Variants in PCDHGB1 observed in about 807,000 individuals in gnomAD.
The protein encoded by PCDHGB1 is protocadherin gamma subfamily B, 1, also known as protocadherin gamma-B1.
A neutral mutation model predicts 56.6 loss-of-function variants in PCDHGB1; 34 were observed. The ratio of observed to expected loss-of-function variants is 0.60; its 90% confidence interval spans 0.46 to 0.80. The LOEUF (loss-of-function observed/expected upper bound fraction) is 0.80. Among genes scored for constraint, PCDHGB1 ranks in the 30% least tolerant of loss-of-function variants. The probability of loss-of-function intolerance (pLI) is 0.00; values close to 1 mark genes in which losing one functional copy is unlikely to be tolerated. For synonymous variants in PCDHGB1, 561 were observed against 505.9 expected (o/e 1.11, Z -1.46); for missense variants, 1,278 against 1,204.6 (o/e 1.06, Z -0.90).
chr5:141,384,784 G>T, intron 1 of PCDHGB1: 1 of 1,613,618 alleles, frequency 6.2e-7, no homozygotes, highest in Non-Finnish European at 8.5e-7. Flanking sequence ...GGTGCGCACG[G>T]CTCGGGCCCT....
chr5:141,361,816 C>G, intron 1 of PCDHGB1: 2 of 1,613,084 alleles, frequency 1.2e-6, no homozygotes, highest in Non-Finnish European at 1.7e-6. Context: ...CAATGCGCCA[C>G]GGGTGCTGTA....
chr5:141,417,760 C>A, intron 1 of PCDHGB1: 1 of 1,438,808 alleles, frequency 7.0e-7, no homozygotes, highest in South Asian at 1.5e-5. Context: ...GCTCCGAGAC[C>A]CGGGACTCCT....
In PCDHGB1 at chr5:141,477,794, C is replaced by A. The variant is rs148942362; in HGVS notation, c.2410-17013C>A. On this transcript the variant is annotated intron_variant, in intron 1 of 3. Coordinates refer to ENST00000523390, the MANE Select transcript of PCDHGB1 (RefSeq NM_018922.3). This position sits in a 1 kb window ranked among gnomAD's most constrained non-coding sequence, Gnocchi z 4.9. ...CAGCGTGAACATATTTGTCACTGAT[C>A]GCAATGACAATGCCCCCCAGGTCCT... The A allele has an allele frequency of 5.6e-6, 9 of 1,614,086 alleles. No individual in the cohort carries two copies. Among genetic ancestry groups the A allele is most frequent in the Non-Finnish European group, 7.6e-6 (9 of 1,180,030 alleles).
chr5:141,398,125 G>C (rs1353004584), intron 1 of PCDHGB1: 1 of 1,586,808 alleles, frequency 6.3e-7, no homozygotes. Flanking sequence ...GAGAGCAAGA[G>C]GGATGGGGAG....
chr5:141,496,888 T>TAAA (rs35063790), intron 2 of PCDHGB1, among the ~76,000 whole-genome samples: 5 of 134,118 alleles, frequency 3.7e-5, no homozygotes, highest in East Asian at 4.4e-4. Context: ...AAGTAACACT[T>TAAA]AAAAAAAAAA....
At chr5:141,423,107 T>G (rs1590430250) in intron 1 of PCDHGB1, 1 of 1,613,696 alleles carries the variant, frequency 6.2e-7, no homozygotes, top group East Asian at 2.2e-5. Flanking sequence ...ACGGGCGAGG[T>G]GCGTACAGCG....
intron 1 of PCDHGB1, chr5:141,372,627 G>A (rs2150009906): frequency 3.1e-6 from 5 of 1,613,974 alleles, no homozygotes; most frequent in Admixed American, 1.7e-5. Context: ...CACCTACAGC[G>A]AAAGGACTTT....
At position 141,431,098 on chromosome 5, in the gene PCDHGB1, A is replaced by G; in HGVS notation, c.2410-63709A>G. The G allele has an allele frequency of 6.2e-7, 1 of 1,614,260 alleles. No homozygotes were observed. The highest frequency in any genetic ancestry group is 8.5e-7 in the Non-Finnish European group (1 of 1,180,040). On this transcript the variant is annotated intron_variant, in intron 1 of 3. Transcript: ENST00000523390. This position sits in a 1 kb window ranked among gnomAD's most constrained non-coding sequence, Gnocchi z 4.8. ...ATCTAGACATTCTGATGGAGGATAA[A>G]GTGAAAATATATGGAGTAGAAGTAG...
intron 1 of PCDHGB1, among the ~76,000 whole-genome samples, chr5:141,444,152 ATTTTTTTTTTTTTTTTTTTTTT>A (rs747671382): frequency 8.9e-5 from 3 of 33,882 alleles, no homozygotes; most frequent in East Asian, 1.0e-3. Flanking sequence ...TGTGTACTGG[ATTTTTTTTTTTTTTTTTTTTTT>A]TTTTTTTTTT....
intron 1 of PCDHGB1, among the ~76,000 whole-genome samples, chr5:141,482,104 A>T (rs11748215): frequency 0.23 from 34,477 of 150,324 alleles, 4,798 homozygotes; most frequent in African/African-American, 0.39. Context: ...AAAAAAAAAA[A>T]ATATCTAGAG....
intron 1 of PCDHGB1, chr5:141,372,834 C>A (rs1343091313): frequency 3.9e-6 from 6 of 1,536,106 alleles, no homozygotes; most frequent in South Asian, 1.2e-5. Flanking sequence ...ACCTTTCCTT[C>A]CATAAATATA....
intron 2 of PCDHGB1, among the ~76,000 whole-genome samples, chr5:141,498,618 G>A (rs191513899): frequency 1.3e-5 from 2 of 152,220 alleles, no homozygotes; most frequent in East Asian, 3.9e-4. Context: ...TCAGCACTGG[G>A]TCACACTGCC....
Position 141,431,215 on chromosome 5 carries a change from C to T in PCDHGB1, c.2410-63592C>T, listed in dbSNP as rs1225114172. On this transcript the variant is annotated intron_variant, in intron 1 of 3. Transcript: ENST00000523390. The surrounding 1 kb of genome is among the most constrained non-coding windows in gnomAD (Gnocchi z 4.8). ...AAAATGCAGCCACTGAGATGCGGTT[C>T]CCTCTACCCCACGCCTGGGATCCGG... is the stretch of plus-strand genomic sequence containing the variant. 2.5e-6 allele frequency: 4 copies of T among 1,614,066 alleles called. No homozygotes were observed. The highest frequency in any genetic ancestry group is 1.3e-5 in the African/African-American group (1 of 74,942).
At chr5:141,409,388 T>C in intron 1 of PCDHGB1, 1 of 1,614,018 alleles carries the variant, frequency 6.2e-7, no homozygotes, top group Non-Finnish European at 8.5e-7. Flanking sequence ...CAAGATTTAT[T>C]CTTCTTCCAA....
rs756971733 is a variant in PCDHGB1 at position 141,375,686 on chromosome 5, A to G, written c.2409+23017A>G. On this transcript the variant is annotated intron_variant, in intron 1 of 3. Coordinates refer to ENST00000523390, the MANE Select transcript of PCDHGB1 (RefSeq NM_018922.3). Reference sequence around the variant, plus strand: ...AGACCTACAGCTGTGGGTGACAGCCAGCGACAGCGGGGACCCGCCTCTTAG... The same window carrying G: ...AGACCTACAGCTGTGGGTGACAGCCGGCGACAGCGGGGACCCGCCTCTTAG... 1.9e-6 allele frequency: 3 copies of G among 1,614,122 alleles called. No individual in the cohort carries two copies. Among genetic ancestry groups the G allele is most frequent in the East Asian group, 2.2e-5 (1 of 44,894 alleles).
At chr5:141,426,946 C>T (rs565370434) in intron 1 of PCDHGB1, 5 of 456,668 alleles carry the variant, frequency 1.1e-5, no homozygotes, top group Non-Finnish European at 2.2e-5. Context: ...CCAGTCCCAA[C>T]TGGCACTGCT....
At chr5:141,400,376 T>A in intron 1 of PCDHGB1, 1 of 1,614,070 alleles carries the variant, frequency 6.2e-7, no homozygotes, top group East Asian at 2.2e-5. Context: ...TCCTACAACC[T>A]ATGTGTTGCA....
chr5:141,481,724 C>T (rs1301509633), intron 1 of PCDHGB1, among the ~76,000 whole-genome samples: 2 of 151,882 alleles, frequency 1.3e-5, no homozygotes. Context: ...GAGGCGGAGG[C>T]GGGCGGATCA....
chr5:141,446,936 C>G (rs935365668), intron 1 of PCDHGB1, among the ~76,000 whole-genome samples: 3 of 152,176 alleles, frequency 2.0e-5, no homozygotes, highest in African/African-American at 7.2e-5. Context: ...CTCTTTTTCA[C>G]TGTAAGAAAC....
Sources: gnomAD v4.1 joint callset for allele counts (sites outside exome capture counted in the v4.1 genomes callset) on GRCh38, gnomAD v4.1.1 for gene constraint, Gnocchi (gnomAD v3.1) non-coding constraint, MANE v1.5 for transcripts, NCBI Gene and HGNC (gene_info 2026-07-23, HGNC 2026-07-21) for gene names.